The following PHLPP1 variants were observed in gnomAD, a reference collection of about 807,000 sequenced individuals.
PHLPP1 encodes PH domain leucine-rich repeat-containing protein phosphatase 1.
Under a neutral mutation model 117.2 loss-of-function variants are expected in PHLPP1, and 42 were observed. That is an observed-to-expected ratio of 0.36 (90% CI 0.28 to 0.46). The LOEUF (loss-of-function observed/expected upper bound fraction) is 0.46, where lower values mean the gene tolerates loss of function less well. Ranked by LOEUF, PHLPP1 falls within the 20% of genes least tolerant of loss-of-function variation. The probability of loss-of-function intolerance (pLI) is 1.00; values close to 1 mark genes in which losing one functional copy is unlikely to be tolerated. For synonymous variants in PHLPP1, 1,042 were observed against 970.7 expected (o/e 1.07, Z -1.37); for missense variants, 2,084 against 2,241.9 (o/e 0.93, Z 1.42).
intron 4 of PHLPP1, among the ~76,000 whole-genome samples, chr18:62,870,015 C>G (rs1370356591): frequency 6.6e-6 from 1 of 152,190 alleles, no homozygotes; most frequent in African/African-American, 2.4e-5. Flanking sequence ...GCCTCAGCCT[C>G]CCGAATGGAT....
chr18:62,968,065 T>C (rs1346127987), intron 14 of PHLPP1, among the ~76,000 whole-genome samples: 1 of 152,186 alleles, frequency 6.6e-6, no homozygotes, highest in East Asian at 1.9e-4. Context: ...TCAAGTGATC[T>C]GCCCTCCTCT....
chr18:62,918,057 T>C (rs1223919928), intron 9 of PHLPP1, among the ~76,000 whole-genome samples: 2 of 151,382 alleles, frequency 1.3e-5, no homozygotes, highest in African/African-American at 4.9e-5. Flanking sequence ...AATATGAAAA[T>C]TAGCTAGGCA....
intron 1 of PHLPP1, among the ~76,000 whole-genome samples, chr18:62,745,450 T>A (rs1254579875): frequency 6.6e-6 from 1 of 152,234 alleles, no homozygotes; most frequent in Non-Finnish European, 1.5e-5. Flanking sequence ...TTTATACTGT[T>A]AAAAATTGTC....
chr18:62,885,566 A>G (rs1346046571), intron 4 of PHLPP1, among the ~76,000 whole-genome samples: 5 of 152,228 alleles, frequency 3.3e-5, no homozygotes, highest in African/African-American at 1.2e-4. Context: ...AGGCTGAGGC[A>G]GAAGAATCGC....
intron 1 of PHLPP1, among the ~76,000 whole-genome samples, chr18:62,723,035 T>A (rs1018294171): frequency 6.6e-6 from 1 of 152,242 alleles, no homozygotes; most frequent in Admixed American, 6.5e-5. Context: ...CATTTTGTAA[T>A]GCCACATGCA....
At chr18:62,906,129 C>T (rs188443308) in intron 8 of PHLPP1, among the ~76,000 whole-genome samples, 1 of 152,266 alleles carries the variant, frequency 6.6e-6, no homozygotes, top group Admixed American at 6.5e-5. Flanking sequence ...TAACAGTCAC[C>T]ATGCTTTTTA....
intron 1 of PHLPP1, among the ~76,000 whole-genome samples, chr18:62,789,882 A>G (rs1165948740): frequency 6.6e-6 from 1 of 152,192 alleles, no homozygotes; most frequent in African/African-American, 2.4e-5. Flanking sequence ...TGCTTTTCAC[A>G]GTAACACATT....
chr18:62,823,988 C>A (rs1216169280), intron 1 of PHLPP1, among the ~76,000 whole-genome samples: 3 of 151,976 alleles, frequency 2.0e-5, no homozygotes, highest in African/African-American at 7.3e-5. Flanking sequence ...AAAAATTAGC[C>A]AGGCGTGGTG....
At position 62,812,381 on chromosome 18, in the gene PHLPP1, C is replaced by G. The variant is rs540869254; in HGVS notation, c.1577-17654C>G. Among the ~76,000 whole-genome samples the G allele has an allele frequency of 2.0e-5, 3 of 152,312 alleles. No homozygotes were observed. In the East Asian group the frequency reaches 5.8e-4, roughly 29 times the overall value. ...TTGGAGCTGTGGAGCTGTCTAGCGT[C>G]ATCATCCTGATTTCCACACACACAG... On this transcript the variant is annotated intron_variant, in intron 1 of 16. Coordinates refer to ENST00000262719, the MANE Select transcript of PHLPP1 (RefSeq NM_194449.4).
intron 3 of PHLPP1, among the ~76,000 whole-genome samples, 152 bp from the exon 4 acceptor site, chr18:62,860,283 A>G (rs1915599534): frequency 6.6e-6 from 1 of 152,244 alleles, no homozygotes; most frequent in African/African-American, 2.4e-5. Context: ...GGTATGCGGC[A>G]CATGACTGAA....
chr18:62,833,536 A>G (rs1914808849), intron 2 of PHLPP1, among the ~76,000 whole-genome samples: 1 of 152,128 alleles, frequency 6.6e-6, no homozygotes, highest in Non-Finnish European at 1.5e-5. Flanking sequence ...CTAGCCCTAG[A>G]AGGATTCACT....
At chr18:62,900,301 TAATAAATA>T (rs142418645) in intron 6 of PHLPP1, among the ~76,000 whole-genome samples, 2,225 of 144,726 alleles carry the variant, frequency 0.015, 20 homozygotes, top group South Asian at 0.02. Flanking sequence ...TGCCTTAAAA[TAATAAATA>T]AATAAATAAA....
intron 14 of PHLPP1, among the ~76,000 whole-genome samples, chr18:62,967,300 T>C (rs1910930085): frequency 6.6e-6 from 1 of 152,212 alleles, no homozygotes; most frequent in African/African-American, 2.4e-5. Flanking sequence ...AAGTGTATAT[T>C]TACTTTTGTA....
chr18:62,960,441 T>G (rs1442973542), intron 13 of PHLPP1, among the ~76,000 whole-genome samples: 3 of 152,154 alleles, frequency 2.0e-5, no homozygotes, highest in Non-Finnish European at 4.4e-5. Context: ...TAAATGTCTA[T>G]TTCCTATTTC....
intron 4 of PHLPP1, among the ~76,000 whole-genome samples, chr18:62,868,293 A>C (rs1383822134): frequency 6.6e-6 from 1 of 152,090 alleles, no homozygotes; most frequent in Non-Finnish European, 1.5e-5. Context: ...TAACTTCCAT[A>C]AGCCAGTTTC....
At chr18:62,822,276 TTTTGTTTTTG>T (rs1419324116) in intron 1 of PHLPP1, among the ~76,000 whole-genome samples, 3 of 145,130 alleles carry the variant, frequency 2.1e-5, no homozygotes, top group Non-Finnish European at 4.5e-5. Context: ...TTTTTTTTTT[TTTTGTTTTTG>T]TTTTTTTTTT....
At chr18:62,874,697 G>GCTCTCTGTCT (rs1335436297) in intron 4 of PHLPP1, among the ~76,000 whole-genome samples, 1 of 149,108 alleles carries the variant, frequency 6.7e-6, no homozygotes, top group Non-Finnish European at 1.5e-5. Context: ...ACACACTCTC[G>GCTCTCTGTCT]CTCTCTGTCT....
chr18:62,824,639 CTG>C (rs1280014435), intron 1 of PHLPP1, among the ~76,000 whole-genome samples: 3 of 151,948 alleles, frequency 2.0e-5, no homozygotes, highest in East Asian at 1.9e-4. Flanking sequence ...ATTAATAAAT[CTG>C]TAAAAAAAAG....
chr18:62,744,351 T>G (rs1041499261), intron 1 of PHLPP1, among the ~76,000 whole-genome samples: 1 of 152,204 alleles, frequency 6.6e-6, no homozygotes, highest in Admixed American at 6.6e-5. Context: ...ATTTGTGTGG[T>G]GTCTCTGAAA....
Sources: allele counts gnomAD v4.1 joint callset (sites outside exome capture counted in the v4.1 genomes callset), GRCh38; gene constraint gnomAD v4.1.1; transcripts MANE v1.5; gene names NCBI Gene and HGNC (gene_info 2026-07-23, HGNC 2026-07-21).